The following DAPK1 variants were observed in gnomAD, a reference collection of about 807,000 sequenced individuals.
DAPK1 encodes death associated protein kinase 1, also known as death-associated protein kinase 1.
Under a neutral mutation model 144.9 loss-of-function variants are expected in DAPK1, and 56 were observed. The observed-to-expected ratio is 0.39, with a 90% CI of 0.31 to 0.48. DAPK1 has a LOEUF of 0.48. Among genes scored for constraint, DAPK1 ranks in the 20% least tolerant of loss-of-function variants. The probability of loss-of-function intolerance (pLI) is 0.95; values close to 1 mark genes in which losing one functional copy is unlikely to be tolerated. For synonymous variants in DAPK1, 690 were observed against 749.0 expected (o/e 0.92, Z 1.29); for missense variants, 1,454 against 1,875.4 (o/e 0.78, Z 4.15).
intron 3 of DAPK1, among the ~76,000 whole-genome samples, chr9:87,605,803 C>T (rs1191619758): frequency 6.6e-6 from 1 of 152,210 alleles, no homozygotes; most frequent in African/African-American, 2.4e-5. Flanking sequence ...TCATCTCCCT[C>T]TCCCACCCCT....
intron 2 of DAPK1, among the ~76,000 whole-genome samples, chr9:87,549,344 TG>T: frequency 6.6e-6 from 1 of 152,362 alleles, no homozygotes; most frequent in South Asian, 2.1e-4. Flanking sequence ...CTATCATTGA[TG>T]GGCATTTGGG....
chr9:87,552,523 T>A (rs1826532785), intron 2 of DAPK1, among the ~76,000 whole-genome samples: 1 of 152,182 alleles, frequency 6.6e-6, no homozygotes, highest in African/African-American at 2.4e-5. Context: ...CATCTCTTTT[T>A]ATCAAGTACA....
chr9:87,544,819 G>T (rs1472680974), intron 2 of DAPK1, among the ~76,000 whole-genome samples: 5 of 152,158 alleles, frequency 3.3e-5, no homozygotes, highest in African/African-American at 1.2e-4. Context: ...TACCCAAAAT[G>T]CAGGAAGAAA....
chr9:87,605,996 AAAG>A (rs2118965155), intron 3 of DAPK1, among the ~76,000 whole-genome samples: 1 of 152,322 alleles, frequency 6.6e-6, no homozygotes, highest in African/African-American at 2.4e-5. Flanking sequence ...GGATGGAACC[AAAG>A]AAGATTTGAG....
At chr9:87,641,765 A>G (rs571569232) in intron 9 of DAPK1, among the ~76,000 whole-genome samples, 1 of 152,334 alleles carries the variant, frequency 6.6e-6, no homozygotes, top group African/African-American at 2.4e-5. Flanking sequence ...CCCAGTGTCC[A>G]TGGATGATAC....
chr9:87,551,778 T>C (rs1455685666), intron 2 of DAPK1, among the ~76,000 whole-genome samples: 1 of 152,078 alleles, frequency 6.6e-6, no homozygotes, highest in East Asian at 1.9e-4. Flanking sequence ...ATGGAGAAGC[T>C]GTAACCAAGC....
At chr9:87,540,459 G>A (rs1826008405) in intron 2 of DAPK1, among the ~76,000 whole-genome samples, 1 of 152,154 alleles carries the variant, frequency 6.6e-6, no homozygotes, top group Non-Finnish European at 1.5e-5. Flanking sequence ...CCAAAGTGCT[G>A]AGGTTACCGG....
At chr9:87,522,213 A>ATT (rs200967946) in intron 2 of DAPK1, among the ~76,000 whole-genome samples, 2,362 of 152,278 alleles carry the variant, frequency 0.016, 65 homozygotes, top group African/African-American at 0.053. Context: ...CAAGAGTTAT[A>ATT]TTTTTTTTCT....
At chr9:87,676,189 C>T (rs767849571) in intron 19 of DAPK1, among the ~76,000 whole-genome samples, 9 of 152,318 alleles carry the variant, frequency 5.9e-5, no homozygotes, top group East Asian at 1.9e-4. Flanking sequence ...AGGGAGGGCC[C>T]GACCAGCCTG....
chr9:87,675,753 G>C (rs1824346141), intron 19 of DAPK1, among the ~76,000 whole-genome samples: 1 of 151,756 alleles, frequency 6.6e-6, no homozygotes. Context: ...CTATTACTTA[G>C]TGAGCCTTGG....
intron 3 of DAPK1, among the ~76,000 whole-genome samples, chr9:87,634,388 A>G (rs1395491607): frequency 6.6e-6 from 1 of 152,122 alleles, no homozygotes; most frequent in African/African-American, 2.4e-5. Flanking sequence ...TTCTCCAAGG[A>G]CATCTCTTCT....
At chr9:87,528,715 C>CA (rs1300964320) in intron 2 of DAPK1, among the ~76,000 whole-genome samples, 1 of 151,364 alleles carries the variant, frequency 6.6e-6, no homozygotes, top group African/African-American at 2.4e-5. Flanking sequence ...ACTAAAAATA[C>CA]AAAAAAACTA....
chr9:87,498,290 G>A (rs1050863330), intron 1 of DAPK1, among the ~76,000 whole-genome samples, 183 bp downstream of exon 1: 1 of 152,210 alleles, frequency 6.6e-6, no homozygotes, highest in Non-Finnish European at 1.5e-5. Flanking sequence ...CAGCCCCGCG[G>A]GCCGGGTGAG....
Position 87,703,185 on chromosome 9 carries a change from C to A in DAPK1, c.3028C>A (p.Arg1010Ser). 1 of 1,612,108 alleles carries A rather than the reference C, an allele frequency of 6.2e-7. No individual in the cohort carries two copies. Among genetic ancestry groups the A allele is most frequent in the Non-Finnish European group, 8.5e-7 (1 of 1,178,116 alleles). Reference protein sequence around the residue: ...NPLASEEDLRRIAQQLHSTGE... With the variant: ...NPLASEEDLRSIAQQLHSTGE... Reference sequence around the variant, plus strand: ...CCTGGCCAGCGAGGAGGACCTCAGGCGCATTGCTCAGCAGCTCCACAGCAC... The same window carrying A: ...CCTGGCCAGCGAGGAGGACCTCAGGAGCATTGCTCAGCAGCTCCACAGCAC... The change falls in exon 25 of 26, where the codon CGC (arginine) becomes AGC (serine). Residue 1010 changes from arginine to serine, a missense_variant. Transcript: ENST00000408954.
chr9:87,702,995 G>A, intron 24 of DAPK1, 34 bp from the exon 25 acceptor site: 2 of 1,075,934 alleles, frequency 1.9e-6, no homozygotes, highest in African/African-American at 1.5e-5. Flanking sequence ...CACAGCTGCA[G>A]GTGAGTTAAC....
chr9:87,662,775 G>A (rs1424084440), intron 18 of DAPK1, among the ~76,000 whole-genome samples: 1 of 151,740 alleles, frequency 6.6e-6, no homozygotes, highest in Non-Finnish European at 1.5e-5. Flanking sequence ...AGTGAACAGG[G>A]ATAATTTGAC....
intron 3 of DAPK1, among the ~76,000 whole-genome samples, chr9:87,618,763 G>T (rs1337148841): frequency 6.6e-6 from 1 of 152,136 alleles, no homozygotes; most frequent in Non-Finnish European, 1.5e-5. Flanking sequence ...GAGTGTGGTG[G>T]GAAAGTAGGG....
Position 87,525,904 on chromosome 9 carries a change from A to G in DAPK1, c.62+26765A>G, listed in dbSNP as rs938215709. On this transcript the variant is annotated intron_variant, in intron 2 of 25. Transcript: ENST00000408954. Reference sequence around the variant, plus strand: ...AGGCCTGCAGATCGAGTATCCCTTTAAGTTTGTTTTTAAAATATTAAATTT... The same window carrying G: ...AGGCCTGCAGATCGAGTATCCCTTTGAGTTTGTTTTTAAAATATTAAATTT... Among the ~76,000 whole-genome samples, 19 of 152,232 alleles carry G rather than the reference A, an allele frequency of 1.2e-4. No individual in the cohort carries two copies. In the East Asian group the frequency reaches 2.3e-3, roughly 19 times the overall value.
At chr9:87,685,977 C>T (rs1288067571) in intron 20 of DAPK1, among the ~76,000 whole-genome samples, 2 of 152,112 alleles carry the variant, frequency 1.3e-5, no homozygotes, top group African/African-American at 4.8e-5. Context: ...AGTGGAGACT[C>T]GCTGCAAGAA....
Sources: allele counts gnomAD v4.1 joint callset (sites outside exome capture counted in the v4.1 genomes callset), GRCh38; gene constraint gnomAD v4.1.1; transcripts MANE v1.5; gene names NCBI Gene and HGNC (gene_info 2026-07-23, HGNC 2026-07-21).